Variants in GPATCH8 observed in about 807,000 individuals in gnomAD.
GPATCH8 encodes G patch domain-containing protein 8.
In GPATCH8, 18 loss-of-function variants were observed where a neutral mutation model predicts 118.3. The observed-to-expected ratio is 0.15, with a 90% CI of 0.11 to 0.23. The LOEUF is 0.23. Ranked by LOEUF, GPATCH8 falls within the 10% of genes least tolerant of loss-of-function variation. GPATCH8 has a pLI of 1.00. For synonymous variants in GPATCH8, 659 were observed against 684.7 expected (o/e 0.96, Z 0.59); for missense variants, 1,631 against 1,873.8 (o/e 0.87, Z 2.39).
chr17:44,406,259 G>A (rs963853876), intron 6 of GPATCH8, among the ~76,000 whole-genome samples: 1 of 152,128 alleles, frequency 6.6e-6, no homozygotes, highest in Non-Finnish European at 1.5e-5. Flanking sequence ...AATTAGGACA[G>A]CATATCATTT....
intron 3 of GPATCH8, among the ~76,000 whole-genome samples, chr17:44,454,436 T>G (rs1310685679): frequency 6.6e-6 from 1 of 152,204 alleles, no homozygotes; most frequent in Non-Finnish European, 1.5e-5. Context: ...CTTTTCTGAT[T>G]GTTATTTTGC....
intron 6 of GPATCH8, chr17:44,409,214 G>C (rs2049342134): frequency 6.6e-6 from 1 of 152,188 alleles, no homozygotes; most frequent in South Asian, 2.1e-4. Flanking sequence ...CCCAGCTCCT[G>C]GGAGTTCATC....
intron 6 of GPATCH8, among the ~76,000 whole-genome samples, chr17:44,422,156 A>C (rs577923505): frequency 7.2e-5 from 11 of 152,236 alleles, no homozygotes; most frequent in South Asian, 2.1e-4. Flanking sequence ...GTCTTAATTA[A>C]ATAAAGATAA....
chr17:44,474,779 A>G (rs1295079390), intron 2 of GPATCH8, 50 bp downstream of exon 2: 2 of 888,198 alleles, frequency 2.3e-6, no homozygotes, highest in African/African-American at 3.3e-5. Context: ...TCACACGAAC[A>G]CTACCTAACT....
chr17:44,434,138 ATAATAATAT>A (rs996883687), intron 5 of GPATCH8, among the ~76,000 whole-genome samples: 6 of 151,358 alleles, frequency 4.0e-5, no homozygotes, highest in African/African-American at 1.5e-4. Flanking sequence ...TTTAAAAAAA[ATAATAATAT>A]TAATAATAAT....
intron 6 of GPATCH8, among the ~76,000 whole-genome samples, chr17:44,418,634 G>A (rs2049779300): frequency 6.6e-6 from 1 of 152,032 alleles, no homozygotes; most frequent in Admixed American, 6.6e-5. Context: ...TGTATTTTTA[G>A]TAGAGAGGGG....
intron 2 of GPATCH8, chr17:44,464,933 AT>A (rs542413358): frequency 0.022 from 3,635 of 164,586 alleles, no homozygotes; most frequent in South Asian, 0.06. Context: ...CCACTTTAAG[AT>A]TTTTTTTTTT....
chr17:44,428,054 G>A (rs1435986629), intron 5 of GPATCH8, among the ~76,000 whole-genome samples: 1 of 152,152 alleles, frequency 6.6e-6, no homozygotes, highest in Non-Finnish European at 1.5e-5. Flanking sequence ...GGCCGAGGCA[G>A]GCGGATTACC....
Position 44,400,431 on chromosome 17 carries a change from A to G in GPATCH8, c.1646T>C (p.Leu549Pro). The change falls in exon 8 of 8, where the codon CTC becomes CCC. Residue 549 changes from leucine (L) to proline (P), a missense_variant. Leu to Pro is a moderately conservative substitution (Grantham distance 98, BLOSUM62 -3). Transcript: ENST00000591680. ...AATTAATAGTTCTGATGGCCACTGG[A>G]GGGCAGTGCTTTCATCTTTGCTCAA... ...PVLSKDESTALQWPSELLIFT... is the reference protein window; with the variant it reads ...PVLSKDESTAPQWPSELLIFT... 6.2e-7 allele frequency: 1 copy of G among 1,613,972 alleles called. No individual in the cohort carries two copies.
rs750002547 is a variant in GPATCH8 at position 44,400,911 on chromosome 17, G to A, written c.1166C>T (p.Thr389Ile). 3 of 1,614,140 alleles carry A rather than the reference G, an allele frequency of 1.9e-6. No homozygotes were observed. The highest frequency in any genetic ancestry group is 2.5e-6 in the Non-Finnish European group (3 of 1,179,996). Residue 389 changes from threonine (T) to isoleucine (I), a missense_variant, in exon 8 of 8, where the codon ACA becomes ATA. Coordinates refer to ENST00000591680, the MANE Select transcript of GPATCH8 (RefSeq NM_001002909.4). ...RMKREEGAGA[T>I]EPEYYHYIPP... Reference sequence around the variant, plus strand: ...GATGTAGTGGTAATACTCAGGCTCTGTAGCCCCAGCTCCTTCTTCTCGTTT... The same window carrying A: ...GATGTAGTGGTAATACTCAGGCTCTATAGCCCCAGCTCCTTCTTCTCGTTT...
chr17:44,495,799 T>C (rs1969625130), intron 1 of GPATCH8, among the ~76,000 whole-genome samples: 2 of 152,202 alleles, frequency 1.3e-5, no homozygotes, highest in African/African-American at 4.8e-5. Context: ...CATAGCTCTA[T>C]TCATAGCAAC....
intron 5 of GPATCH8, among the ~76,000 whole-genome samples, chr17:44,426,848 A>ACACT (rs1491366897): frequency 1.7e-4 from 6 of 35,396 alleles, no homozygotes; most frequent in African/African-American, 2.6e-4. Context: ...ACACACACAC[A>ACACT]CTCTCTCTCT....
At chr17:44,438,845 G>A (rs547294905) in intron 3 of GPATCH8, 2 of 152,542 alleles carry the variant, frequency 1.3e-5, no homozygotes, top group East Asian at 1.9e-4. Flanking sequence ...GCCGGGGACA[G>A]AGGAAGGACA....
chr17:44,490,262 C>T (rs1033557714), intron 1 of GPATCH8, among the ~76,000 whole-genome samples: 8 of 151,992 alleles, frequency 5.3e-5, no homozygotes, highest in Admixed American at 1.3e-4. Flanking sequence ...AAGCTATGAT[C>T]TTGTCACTTC....
intron 3 of GPATCH8, among the ~76,000 whole-genome samples, chr17:44,456,026 C>T (rs928594172): frequency 5.9e-5 from 9 of 152,162 alleles, no homozygotes; most frequent in Non-Finnish European, 7.3e-5. Flanking sequence ...GGATTACAGG[C>T]GTGAGCCATA....
In GPATCH8 at chr17:44,400,981, C is replaced by T. The variant is rs770871116; in HGVS notation, c.1096G>A (p.Asp366Asn). 1.9e-6 allele frequency: 3 copies of T among 1,611,812 alleles called. No homozygotes were observed. In the African/African-American group the frequency reaches 4.0e-5, roughly 22 times the overall value. ...DGKKEDEDPQ[D>N]GGSLASTLSK... ...AATGTTGAGGCAAGGGACCCTCCAT[C>T]CTGAGGGTCTTCATCCTCTTTTTTA... Residue 366 changes from aspartate (D) to asparagine (N), a missense_variant, in exon 8 of 8, where the codon GAT becomes AAT. Asp to Asn is a conservative substitution (Grantham distance 23, BLOSUM62 1). This residue lies in a region of GPATCH8 where 405 missense variants were observed against 462.7 expected (regional missense o/e 0.88). Coordinates refer to ENST00000591680, the MANE Select transcript of GPATCH8 (RefSeq NM_001002909.4).
Position 44,499,808 on chromosome 17 carries a change from T to A in GPATCH8, c.45+3518A>T, listed in dbSNP as rs371374777. 2.3e-4 allele frequency among the ~76,000 whole-genome samples: 35 copies of A among 152,062 alleles called. No individual in the cohort carries two copies. The South Asian group carries it at 7.3e-3, about 32-fold the overall frequency. ...GCAGAAGTAATATCTCATTCAGAAA[T>A]TGAGGCCAGATTCTTAAAGGAGTAG... On this transcript the variant is annotated intron_variant, in intron 1 of 7. Transcript: ENST00000591680.
chr17:44,403,542 A>C (rs1188721082), intron 7 of GPATCH8, among the ~76,000 whole-genome samples: 1 of 152,132 alleles, frequency 6.6e-6, no homozygotes, highest in Admixed American at 6.6e-5. Flanking sequence ...TAGTTTGTAC[A>C]CTATACAGCG....
chr17:44,478,251 A>G (rs2144397779), intron 1 of GPATCH8, among the ~76,000 whole-genome samples: 1 of 152,378 alleles, frequency 6.6e-6, no homozygotes, highest in East Asian at 1.9e-4. Flanking sequence ...TTACTAAATA[A>G]TAAATATCCA....
Sources: gnomAD v4.1 joint callset for allele counts (sites outside exome capture counted in the v4.1 genomes callset) on GRCh38, gnomAD v4.1.1 for gene constraint, gnomAD v4.1.1 regional missense constraint, MANE v1.5 for transcripts, NCBI Gene and HGNC (gene_info 2026-07-23, HGNC 2026-07-21) for gene names.